The following BCAS1 variants were observed in gnomAD, a reference collection of about 807,000 sequenced individuals.
The protein encoded by BCAS1 is breast carcinoma-amplified sequence 1.
Under a neutral mutation model 65.4 loss-of-function variants are expected in BCAS1, and 46 were observed. The observed-to-expected ratio is 0.70, with a 90% CI of 0.55 to 0.90. The LOEUF is 0.90. Ranked by LOEUF, BCAS1 falls within the 40% of genes least tolerant of loss-of-function variation. BCAS1 has a pLI of 0.00. For synonymous variants in BCAS1, 298 were observed against 293.5 expected (o/e 1.02, Z -0.16); for missense variants, 793 against 771.2 (o/e 1.03, Z -0.33).
rs577442586 is a variant in BCAS1, at chr20:54,051,403, T to C, written c.142+6682A>G. Among the ~76,000 whole-genome samples, 4 of 152,322 alleles carry C rather than the reference T, an allele frequency of 2.6e-5. No homozygotes were observed. The East Asian group carries it at 7.7e-4, about 29-fold the overall frequency. On this transcript the variant is annotated intron_variant, in intron 3 of 12. Coordinates refer to ENST00000688948, the MANE Select transcript of BCAS1 (RefSeq NM_001366298.2). Reference sequence around the variant, plus strand: ...TTCAATGAGATGCAATAAATTAACATACCACATGTATTGGGGGGAGGTGAA... The same window carrying C: ...TTCAATGAGATGCAATAAATTAACACACCACATGTATTGGGGGGAGGTGAA...
chr20:54,050,817 T>G (rs1466697046), intron 3 of BCAS1, among the ~76,000 whole-genome samples: 1 of 152,234 alleles, frequency 6.6e-6, no homozygotes, highest in Admixed American at 6.5e-5. Flanking sequence ...AAAACTATGT[T>G]TTTGTTATTG....
intron 1 of BCAS1, among the ~76,000 whole-genome samples, chr20:54,061,073 G>T (rs1420235042): frequency 6.6e-6 from 1 of 152,144 alleles, no homozygotes; most frequent in Non-Finnish European, 1.5e-5. Flanking sequence ...TAATTTTGGA[G>T]TGCTTCACCT....
intron 11 of BCAS1, among the ~76,000 whole-genome samples, chr20:53,956,002 ACAAAAACATATTTACAGT>A (rs1320620980): frequency 4.6e-5 from 7 of 152,226 alleles, no homozygotes; most frequent in Non-Finnish European, 7.3e-5. Context: ...AAATAAAAAT[ACAAAAACATATTTACAGT>A]CATTACCGTC....
chr20:54,028,485 G>C lies in BCAS1; in HGVS notation c.630C>G (p.Asp210Glu). The C allele has an allele frequency of 6.2e-7, 1 of 1,614,208 alleles. No individual in the cohort carries two copies. Residue 210 changes from aspartate (D) to glutamate (E), a missense_variant, in exon 4 of 13, where the codon GAC (aspartate) becomes GAG (glutamate). Asp to Glu is a conservative substitution (Grantham distance 45). Transcript: ENST00000688948. Reference protein sequence around the residue: ...LDKGQEKVPGDSQQEAKRAEH... With the variant: ...LDKGQEKVPGESQQEAKRAEH... The stretch of plus-strand genomic sequence containing the variant: ...CTGCCCTCTTGGCTTCCTGTTGGCT[G>C]TCACCTGGCACCTTTTCCTGTCCCT...
At chr20:53,997,611 A>G (rs2090951089) in intron 4 of BCAS1, among the ~76,000 whole-genome samples, 1 of 152,228 alleles carries the variant, frequency 6.6e-6, no homozygotes, top group African/African-American at 2.4e-5. Flanking sequence ...ATCAAAAATG[A>G]AATTTTTGGG....
intron 1 of BCAS1, among the ~76,000 whole-genome samples, chr20:54,066,300 C>G (rs2092442261): frequency 6.6e-6 from 1 of 152,118 alleles, no homozygotes; most frequent in Non-Finnish European, 1.5e-5. Context: ...TCTCGATCTC[C>G]TGACCTCGTG....
At chr20:54,013,756 A>G (rs1185579049) in intron 4 of BCAS1, among the ~76,000 whole-genome samples, 1 of 152,240 alleles carries the variant, frequency 6.6e-6, no homozygotes, top group Non-Finnish European at 1.5e-5. Flanking sequence ...CTCTGCAGGC[A>G]TTACAAGTGA....
At position 54,014,616 on chromosome 20, in the gene BCAS1, C is replaced by T. The variant is rs373291806; in HGVS notation, c.723+13776G>A. ...GATTTTACTCTTAGTCTTAACACCA[C>T]GAATCAGTACTGAAAGTACAGGTGA... On this transcript the variant is annotated intron_variant, in intron 4 of 12. Coordinates refer to ENST00000688948, the MANE Select transcript of BCAS1 (RefSeq NM_001366298.2). 2.6e-5 allele frequency among the ~76,000 whole-genome samples: 4 copies of T among 152,254 alleles called. No individual in the cohort carries two copies. The South Asian group carries it at 6.2e-4, about 24-fold the overall frequency.
chr20:53,962,738 G>A (rs2089915411), intron 10 of BCAS1, among the ~76,000 whole-genome samples: 1 of 152,160 alleles, frequency 6.6e-6, no homozygotes, highest in South Asian at 2.1e-4. Flanking sequence ...GCAGGAGCCC[G>A]CAGGATTTCT....
intron 10 of BCAS1, among the ~76,000 whole-genome samples, chr20:53,960,577 G>C (rs2089849110): frequency 6.6e-6 from 1 of 151,270 alleles, no homozygotes. Flanking sequence ...TGTATGCAAA[G>C]GTGACTGAAG....
intron 3 of BCAS1, among the ~76,000 whole-genome samples, chr20:54,034,493 T>G (rs1254452744): frequency 6.6e-6 from 1 of 150,652 alleles, no homozygotes; most frequent in Non-Finnish European, 1.5e-5. Flanking sequence ...CCAACAACAG[T>G]CAAGCCAGGA....
intron 8 of BCAS1, among the ~76,000 whole-genome samples, chr20:53,983,685 T>C (rs1359768226): frequency 6.6e-6 from 1 of 152,212 alleles, no homozygotes; most frequent in African/African-American, 2.4e-5. Flanking sequence ...ACAGGAGTAC[T>C]GGGCCATTCA....
At position 53,953,561 on chromosome 20, in the gene BCAS1, C is replaced by T; in HGVS notation, c.1686G>A (p.Gln562=). The change falls in exon 12 of 13, where the codon CAG becomes CAA. Residue 562 remains glutamine, a synonymous_variant. Coordinates refer to ENST00000688948, the MANE Select transcript of BCAS1 (RefSeq NM_001366298.2). ...TGCACTGGGCTGGTTCTTTGGCTTC[C>T]TGCTTGTTGCTCTTCTGCTTGTTCA... ...AEMNKQKSNK[Q]EAKEPAQCTE... 1 of 1,613,938 alleles carries T rather than the reference C, an allele frequency of 6.2e-7. No homozygotes were observed. The highest frequency in any genetic ancestry group is 1.7e-5 in the Admixed American group (1 of 59,986).
In BCAS1 at chr20:53,985,295, A is replaced by G; in HGVS notation, c.1267T>C (p.Trp423Arg). The G allele has an allele frequency of 1.2e-6, 2 of 1,613,072 alleles. No individual in the cohort carries two copies. The highest frequency in any genetic ancestry group is 1.7e-6 in the Non-Finnish European group (2 of 1,179,848). Residue 423 changes from tryptophan (W) to arginine (R), a missense_variant, in exon 8 of 13, where the codon TGG (tryptophan) becomes CGG (arginine). Trp to Arg is a moderately radical substitution (Grantham distance 101). Transcript: ENST00000688948. ...PTSLPLGKLF[W>R]KKSVKEDSVP... ...TTGAAAATCAGACTTACCTTTTTCC[A>G]AAACAGTTTGCCCAGAGGCAGAGAG...
At chr20:53,973,324 C>T (rs1309336999) in intron 9 of BCAS1, among the ~76,000 whole-genome samples, 5 of 152,042 alleles carry the variant, frequency 3.3e-5, no homozygotes, top group South Asian at 2.1e-4. Context: ...TCATTTAAGG[C>T]AATTTTTATA....
chr20:54,027,660 G>C (rs1190598140), intron 4 of BCAS1, among the ~76,000 whole-genome samples: 1 of 151,992 alleles, frequency 6.6e-6, no homozygotes, highest in African/African-American at 2.4e-5. Context: ...TTCCTGCCTT[G>C]AATACAAACA....
At chr20:53,991,272 T>C (rs975605327) in intron 7 of BCAS1, among the ~76,000 whole-genome samples, 43 of 152,240 alleles carry the variant, frequency 2.8e-4, no homozygotes, top group African/African-American at 1.0e-3. Flanking sequence ...CACATTTTAA[T>C]CTTCCCTCCC....
rs1398966445 is a variant in BCAS1, at chr20:53,985,402, C to T, written c.1160G>A (p.Gly387Glu). 1.9e-6 allele frequency: 3 copies of T among 1,613,976 alleles called. 1 individual carries two copies. The South Asian group carries it at 3.3e-5, about 18-fold the overall frequency. The change falls in exon 8 of 13, where the codon GGA becomes GAA. Residue 387 changes from glycine to glutamate, a missense_variant. By Grantham distance (98) the Gly-to-Glu change is moderately conservative (BLOSUM62 -2). Transcript: ENST00000688948. Reference sequence around the variant, plus strand: ...CTGTGTGTGCCCCGATGGGTTGCATCCTTTGGAATTCTTGCCAGCCCCTTG... The same window carrying T: ...CTGTGTGTGCCCCGATGGGTTGCATTCTTTGGAATTCTTGCCAGCCCCTTG... ...ETQGAGKNSK[G>E]CNPSGHTQSV...
chr20:54,006,587 G>A (rs1373512144), intron 4 of BCAS1, among the ~76,000 whole-genome samples: 2 of 152,068 alleles, frequency 1.3e-5, no homozygotes, highest in Non-Finnish European at 2.9e-5. Context: ...GTGCATGCCT[G>A]TAATCCCAGC....
Sources: allele counts gnomAD v4.1 joint callset (sites outside exome capture counted in the v4.1 genomes callset), GRCh38; gene constraint gnomAD v4.1.1; transcripts MANE v1.5; gene names NCBI Gene and HGNC (gene_info 2026-07-23, HGNC 2026-07-21).